The following PLBD1 variants were observed in gnomAD, a reference collection of about 807,000 sequenced individuals.
PLBD1 encodes phospholipase B domain containing 1.
A neutral mutation model predicts 63.0 loss-of-function variants in PLBD1; 60 were observed. That is an observed-to-expected ratio of 0.95 (90% CI 0.77 to 1.18). PLBD1 has a LOEUF of 1.18. Among genes scored for constraint, PLBD1 ranks in the 50% most tolerant of loss-of-function variants. PLBD1 has a pLI of 0.00. For missense variants in PLBD1, 598 were observed against 677.9 expected (o/e 0.88, Z 1.31); for synonymous variants, 262 against 248.0 (o/e 1.06, Z -0.53).
In PLBD1 at chr12:14,511,241, T is replaced by TA. The variant is rs1431246772; in HGVS notation, c.1186+18dup. On this transcript the variant is annotated intron_variant, in intron 8 of 10. Coordinates refer to ENST00000240617, the MANE Select transcript of PLBD1 (RefSeq NM_024829.6). ...CACATACTCATCAGGTTTTAAGACT[T>TA]ACGACATGAAGAAAGTACCTTTCCG... 4 of 1,566,074 alleles carry TA rather than the reference T, an allele frequency of 2.6e-6. No homozygotes were observed. The highest frequency in any genetic ancestry group is 3.8e-5 in the Admixed American group (2 of 52,002).
At chr12:14,527,704 T>C (rs1207582742) in intron 6 of PLBD1, among the ~76,000 whole-genome samples, 3 of 152,156 alleles carry the variant, frequency 2.0e-5, no homozygotes, top group Non-Finnish European at 4.4e-5. Flanking sequence ...AGAACCTTCC[T>C]TTATTGGCCC....
intron 9 of PLBD1, 24 bp downstream of exon 9, chr12:14,506,909 A>G (rs776145650): frequency 8.1e-6 from 13 of 1,596,864 alleles, no homozygotes; most frequent in Non-Finnish European, 9.4e-6. Context: ...TTGAAGAATG[A>G]TTCTTGAGAA....
chr12:14,521,947 A>G (rs994710131), intron 6 of PLBD1, among the ~76,000 whole-genome samples: 1 of 152,142 alleles, frequency 6.6e-6, no homozygotes, highest in African/African-American at 2.4e-5. Flanking sequence ...CAACAGAGAT[A>G]TCATTAAAAA....
At chr12:14,542,698 C>T (rs1174310574) in intron 2 of PLBD1, among the ~76,000 whole-genome samples, 3 of 152,136 alleles carry the variant, frequency 2.0e-5, no homozygotes, top group Non-Finnish European at 2.9e-5. Context: ...ACTACATATA[C>T]ATTTAACCAT....
intron 1 of PLBD1, among the ~76,000 whole-genome samples, chr12:14,564,001 A>G (rs989474120): frequency 6.6e-6 from 1 of 152,232 alleles, no homozygotes; most frequent in African/African-American, 2.4e-5. Flanking sequence ...GCTTTGGGAA[A>G]TGAACCTGTG....
chr12:14,507,457 A>T (rs911845227), intron 8 of PLBD1, among the ~76,000 whole-genome samples: 2 of 152,180 alleles, frequency 1.3e-5, no homozygotes, highest in African/African-American at 2.4e-5. Context: ...TGGTCTGGGG[A>T]GCTCATCTAA....
At chr12:14,509,056 C>G (rs1945276858) in intron 8 of PLBD1, among the ~76,000 whole-genome samples, 1 of 150,384 alleles carries the variant, frequency 6.6e-6, no homozygotes, top group South Asian at 2.1e-4. Flanking sequence ...TTGGGCAAAA[C>G]ATGTTTCTTT....
At chr12:14,525,764 A>T (rs948123480) in intron 6 of PLBD1, among the ~76,000 whole-genome samples, 20 of 152,138 alleles carry the variant, frequency 1.3e-4, no homozygotes, top group African/African-American at 4.8e-4. Context: ...GTTTTTAAGT[A>T]AAAAATCATA....
chr12:14,505,222 C>A (rs1228435725), intron 10 of PLBD1, among the ~76,000 whole-genome samples: 2 of 151,434 alleles, frequency 1.3e-5, no homozygotes, highest in Non-Finnish European at 2.9e-5. Flanking sequence ...AAAGCATTTC[C>A]TGTTTAGGTA....
intron 6 of PLBD1, among the ~76,000 whole-genome samples, chr12:14,534,822 G>A (rs1329701387): frequency 6.6e-6 from 1 of 152,174 alleles, no homozygotes; most frequent in Non-Finnish European, 1.5e-5. Context: ...GATTATAGGC[G>A]TGAGCACCTG....
intron 1 of PLBD1, among the ~76,000 whole-genome samples, chr12:14,566,861 C>T (rs1055869674): frequency 2.0e-5 from 3 of 151,506 alleles, no homozygotes; most frequent in Non-Finnish European, 2.9e-5. Context: ...TTTGGGAGGC[C>T]GAGGCAGGCG....
intron 6 of PLBD1, among the ~76,000 whole-genome samples, chr12:14,517,548 C>T (rs1338476941): frequency 6.6e-6 from 1 of 152,156 alleles, no homozygotes; most frequent in Non-Finnish European, 1.5e-5. Context: ...CCTTTGCACC[C>T]AGTCCTCAAC....
intron 6 of PLBD1, among the ~76,000 whole-genome samples, chr12:14,518,868 CCTT>C (rs1945354692): frequency 1.3e-5 from 2 of 151,930 alleles, no homozygotes; most frequent in Admixed American, 6.6e-5. Flanking sequence ...GTTAGTAAAA[CCTT>C]CTAAAAGGAG....
intron 2 of PLBD1, among the ~76,000 whole-genome samples, chr12:14,549,154 T>G (rs1463887343): frequency 6.6e-6 from 1 of 152,210 alleles, no homozygotes; most frequent in African/African-American, 2.4e-5. Flanking sequence ...TAGAATTTGT[T>G]TCTAATAGAA....
rs1262371558 is a variant in PLBD1 at position 14,540,237 on chromosome 12, A to AT, written c.558+526dup. ...ACCAAAAGACAGTTATATAATATACATTTTTCATTTAGACATATATTATCA... is the reference window on the plus strand; with the variant it reads ...ACCAAAAGACAGTTATATAATATACATTTTTTCATTTAGACATATATTATCA... On this transcript the variant is annotated intron_variant, in intron 4 of 10. Transcript: ENST00000240617. Among the ~76,000 whole-genome samples the AT allele has an allele frequency of 5.3e-5, 8 of 149,898 alleles. No homozygotes were observed. In the South Asian group the frequency reaches 6.3e-4, roughly 12 times the overall value.
chr12:14,549,213 CG>C (rs1204704549), intron 2 of PLBD1, among the ~76,000 whole-genome samples: 25 of 152,188 alleles, frequency 1.6e-4, no homozygotes, highest in African/African-American at 4.8e-4. Context: ...AATTAAGTAA[CG>C]GCTGGGAGCA....
intron 6 of PLBD1, 81 bp downstream of exon 6, chr12:14,535,578 A>T: frequency 6.9e-7 from 1 of 1,443,244 alleles, no homozygotes; most frequent in Non-Finnish European, 9.6e-7. Context: ...TTCTTCTCCC[A>T]TTGCAGTTAA....
chr12:14,521,250 T>C (rs1001567930), intron 6 of PLBD1, among the ~76,000 whole-genome samples: 7 of 152,056 alleles, frequency 4.6e-5, no homozygotes, highest in South Asian at 2.1e-4. Flanking sequence ...CCTGAGCCCA[T>C]GTGGTGTCCT....
At chr12:14,564,637 T>C (rs766922750) in intron 1 of PLBD1, among the ~76,000 whole-genome samples, 24 of 152,240 alleles carry the variant, frequency 1.6e-4, no homozygotes, top group Non-Finnish European at 2.6e-4. Flanking sequence ...TTATGCTAAG[T>C]CTGATGAATA....
Sources: allele counts gnomAD v4.1 joint callset (sites outside exome capture counted in the v4.1 genomes callset), GRCh38; gene constraint gnomAD v4.1.1; transcripts MANE v1.5; gene names NCBI Gene and HGNC (gene_info 2026-07-23, HGNC 2026-07-21).